The following LRRTM4 variants were observed in gnomAD, a reference collection of about 807,000 sequenced individuals.
The protein encoded by LRRTM4 is leucine rich repeat transmembrane neuronal 4, also known as leucine-rich repeat transmembrane neuronal protein 4.
LRRTM4 carries 25 observed loss-of-function variants against 47.6 expected under a neutral mutation model. That is an observed-to-expected ratio of 0.53 (90% CI 0.38 to 0.73). The LOEUF (loss-of-function observed/expected upper bound fraction) is 0.73. Ranked by LOEUF, LRRTM4 falls within the 30% of genes least tolerant of loss-of-function variation. The pLI, the probability that LRRTM4 is intolerant of heterozygous loss-of-function variation, is 0.00. For synonymous variants in LRRTM4, 311 were observed against 269.5 expected, an observed-to-expected ratio of 1.15 and a Z score of -1.51; for missense variants, 638 against 713.4, an observed-to-expected ratio of 0.89 and a Z score of 1.20.
intron 3 of LRRTM4, among the ~76,000 whole-genome samples, chr2:77,347,049 G>A (rs1232583549): frequency 6.6e-6 from 1 of 152,128 alleles, no homozygotes; most frequent in Non-Finnish European, 1.5e-5. Context: ...CCAATATAGG[G>A]TGGCCAAAGA....
chr2:77,402,598 T>C (rs1674004203), intron 3 of LRRTM4, among the ~76,000 whole-genome samples: 2 of 152,052 alleles, frequency 1.3e-5, no homozygotes, highest in South Asian at 2.1e-4. Context: ...CTGAATGTTT[T>C]CTTTCATCCA....
At chr2:76,835,116 T>G (rs1671472281) in intron 3 of LRRTM4, among the ~76,000 whole-genome samples, 1 of 152,148 alleles carries the variant, frequency 6.6e-6, no homozygotes, top group African/African-American at 2.4e-5. Flanking sequence ...TAATGTATCC[T>G]CAAATTCAGA....
chr2:76,905,480 A>T (rs996604858), intron 3 of LRRTM4, among the ~76,000 whole-genome samples: 1 of 152,196 alleles, frequency 6.6e-6, no homozygotes, highest in African/African-American at 2.4e-5. Flanking sequence ...CTCACCAGCA[A>T]TGGAAAAAAG....
chr2:77,312,802 T>C (rs150398425), intron 3 of LRRTM4, among the ~76,000 whole-genome samples: 5 of 152,160 alleles, frequency 3.3e-5, no homozygotes, highest in African/African-American at 1.2e-4. Context: ...CTAATTATGA[T>C]AGAGATTTGG....
At chr2:77,472,128 G>A (rs766653693) in intron 3 of LRRTM4, among the ~76,000 whole-genome samples, 3 of 152,042 alleles carry the variant, frequency 2.0e-5, no homozygotes, top group Admixed American at 6.6e-5. Context: ...ACGTTTTTGT[G>A]CTTTATGTTG....
chr2:76,994,428 T>TAC (rs1198294848), intron 3 of LRRTM4, among the ~76,000 whole-genome samples: 2 of 151,922 alleles, frequency 1.3e-5, no homozygotes, highest in Admixed American at 6.6e-5. Flanking sequence ...TTGCATTTCC[T>TAC]TAGTAGGATT....
At chr2:77,274,782 A>G (rs910949323) in intron 3 of LRRTM4, among the ~76,000 whole-genome samples, 4 of 152,228 alleles carry the variant, frequency 2.6e-5, no homozygotes, top group Non-Finnish European at 1.5e-5. Flanking sequence ...AAGGAACCAC[A>G]GAAGAGTTAA....
Position 77,166,177 on chromosome 2 carries a change from G to A in LRRTM4, c.1551+352141C>T, listed in dbSNP as rs1454460038. On this transcript the variant is annotated intron_variant, in intron 3 of 3. Transcript: ENST00000409884. ...TATACACCAATGACAGACAAACAGA[G>A]AGCCAAATCATGAGTGAACTCCCAT... Among the ~76,000 whole-genome samples, 7 of 152,254 alleles carry A rather than the reference G, an allele frequency of 4.6e-5. No individual in the cohort carries two copies. In the East Asian group the frequency reaches 1.2e-3, roughly 25 times the overall value.
intron 3 of LRRTM4, among the ~76,000 whole-genome samples, chr2:77,367,562 C>T (rs1295850249): frequency 6.6e-6 from 1 of 151,828 alleles, no homozygotes; most frequent in Non-Finnish European, 1.5e-5. Context: ...TCTGACAATT[C>T]CCTTTACTCT....
chr2:76,796,479 C>T (rs1250903013), intron 3 of LRRTM4, among the ~76,000 whole-genome samples: 7 of 133,028 alleles, frequency 5.3e-5, no homozygotes, highest in African/African-American at 1.2e-4. Flanking sequence ...TGAGAATGGG[C>T]AGACTGCCTC....
At chr2:76,912,314 G>T (rs1674096784) in intron 3 of LRRTM4, among the ~76,000 whole-genome samples, 1 of 152,136 alleles carries the variant, frequency 6.6e-6, no homozygotes, top group African/African-American at 2.4e-5. Context: ...CTCATTTCAT[G>T]TTAATAAATG....
At chr2:77,333,684 C>T (rs1671053841) in intron 3 of LRRTM4, among the ~76,000 whole-genome samples, 1 of 152,096 alleles carries the variant, frequency 6.6e-6, no homozygotes. Context: ...GGGCAGAGCC[C>T]TCAAGGAGAA....
At chr2:77,136,467 C>A (rs571989881) in intron 3 of LRRTM4, among the ~76,000 whole-genome samples, 2 of 152,240 alleles carry the variant, frequency 1.3e-5, no homozygotes, top group East Asian at 3.9e-4. Context: ...CACACCAAAA[C>A]CCCATCTGTA....
intron 3 of LRRTM4, among the ~76,000 whole-genome samples, chr2:77,119,214 T>C (rs1237952893): frequency 6.6e-6 from 1 of 151,888 alleles, no homozygotes; most frequent in African/African-American, 2.4e-5. Flanking sequence ...CTAACTTCCA[T>C]CTTCTCTTTT....
At chr2:77,118,227 G>A (rs1396362585) in intron 3 of LRRTM4, among the ~76,000 whole-genome samples, 1 of 151,178 alleles carries the variant, frequency 6.6e-6, no homozygotes, top group Non-Finnish European at 1.5e-5. Flanking sequence ...CACGTTGTTT[G>A]GGAAAAAAAG....
rs142359422 is a variant in LRRTM4, at chr2:76,879,058, A to T, written c.1552-130142T>A. The stretch of plus-strand genomic sequence containing the variant: ...CGAAGCTAGCAGAGGCTGGTTCAAA[A>T]GGCTAAAGGGAAAGCCATTTCCATA... On this transcript the variant is annotated intron_variant, in intron 3 of 3. Transcript: ENST00000409884. 1.4e-3 allele frequency among the ~76,000 whole-genome samples: 207 copies of T among 152,348 alleles called. 2 individuals carry two copies. The East Asian group carries it at 0.034, about 25-fold the overall frequency.
intron 3 of LRRTM4, among the ~76,000 whole-genome samples, chr2:77,207,372 TACAC>T (rs66858623): frequency 4.6e-5 from 6 of 131,100 alleles, no homozygotes; most frequent in African/African-American, 1.9e-4. Context: ...TATATATATA[TACAC>T]ACACACATAT....
At chr2:77,159,699 G>C (rs1020982714) in intron 3 of LRRTM4, among the ~76,000 whole-genome samples, 3 of 152,016 alleles carry the variant, frequency 2.0e-5, no homozygotes, top group African/African-American at 4.8e-5. Context: ...TGGGCAGAGG[G>C]GGAAGAGGTA....
intron 3 of LRRTM4, among the ~76,000 whole-genome samples, chr2:77,398,021 C>T (rs1434905094): frequency 6.6e-6 from 1 of 151,802 alleles, no homozygotes; most frequent in Non-Finnish European, 1.5e-5. Context: ...TATATGTCAT[C>T]TACCCGTTAG....
Sources: allele counts gnomAD v4.1 joint callset (sites outside exome capture counted in the v4.1 genomes callset), GRCh38; gene constraint gnomAD v4.1.1; transcripts MANE v1.5; gene names NCBI Gene and HGNC (gene_info 2026-07-23, HGNC 2026-07-21).